The following SOX6 variants were observed in gnomAD, a reference collection of about 807,000 sequenced individuals.
The protein encoded by SOX6 is transcription factor SOX-6.
In SOX6, 11 loss-of-function variants were observed where a neutral mutation model predicts 97.8. The observed-to-expected ratio is 0.11, with a 90% CI of 0.07 to 0.19. The LOEUF is 0.19. Ranked by LOEUF, SOX6 falls within the 10% of genes least tolerant of loss-of-function variation. The pLI is 1.00. For missense variants in SOX6, 810 were observed against 1,039.5 expected (o/e 0.78, Z 3.04); for synonymous variants, 360 against 371.4 (o/e 0.97, Z 0.35).
chr11:16,357,041 G>A (rs1236646099), upstream of SOX6, among the ~76,000 whole-genome samples: 1 of 151,984 alleles, frequency 6.6e-6, no homozygotes, highest in Non-Finnish European at 1.5e-5. Context: ...AAAAGAGGAG[G>A]ACACTGGAGA....
chr11:16,335,438 T>C (rs1782325426), intron 2 of SOX6, among the ~76,000 whole-genome samples: 1 of 152,146 alleles, frequency 6.6e-6, no homozygotes, highest in South Asian at 2.1e-4. Flanking sequence ...CCTTAGGAGT[T>C]ATGACTATGA....
At chr11:16,652,750 AAAAT>A (rs1199902142) in intron 3 of SOX6, among the ~76,000 whole-genome samples, 2 of 141,424 alleles carry the variant, frequency 1.4e-5, no homozygotes, top group African/African-American at 5.4e-5. Flanking sequence ...AACAAAAACA[AAAAT>A]AAATAGATGG....
chr11:16,378,335 AG>A (rs888328390), intron 1 of SOX6, among the ~76,000 whole-genome samples: 17 of 152,134 alleles, frequency 1.1e-4, no homozygotes, highest in Non-Finnish European at 2.1e-4. Context: ...AAGTGGGGGT[AG>A]GGGGAAAGAC....
intron 15 of SOX6, among the ~76,000 whole-genome samples, chr11:15,978,915 CATT>C (rs1197087376): frequency 7.7e-6 from 1 of 129,654 alleles, no homozygotes; most frequent in Non-Finnish European, 1.6e-5. Context: ...TATATATAAG[CATT>C]ATATATTATA....
intron 2 of SOX6, among the ~76,000 whole-genome samples, chr11:16,320,920 C>A (rs1247933601): frequency 6.6e-6 from 1 of 152,072 alleles, no homozygotes; most frequent in African/African-American, 2.4e-5. Flanking sequence ...TGGGGCAGGG[C>A]AGGAAAGAGA....
At chr11:16,107,640 G>A (rs1238407489) in intron 7 of SOX6, among the ~76,000 whole-genome samples, 3 of 151,740 alleles carry the variant, frequency 2.0e-5, no homozygotes, top group East Asian at 3.9e-4. Flanking sequence ...AAGGGTAGAG[G>A]GATAGAGAGA....
At chr11:16,125,726 G>A (rs560319431) in intron 6 of SOX6, among the ~76,000 whole-genome samples, 3 of 152,006 alleles carry the variant, frequency 2.0e-5, no homozygotes, top group Admixed American at 2.0e-4. Context: ...TGGAAGGATG[G>A]TGGTTCACTC....
Position 16,049,783 on chromosome 11 carries a change from T to C in SOX6, c.1407A>G (p.Gly469=). 6.2e-7 allele frequency: 1 copy of C among 1,613,636 alleles called. No homozygotes were observed. The highest frequency in any genetic ancestry group is 8.5e-7 in the Non-Finnish European group (1 of 1,179,806). The stretch of plus-strand genomic sequence containing the variant: ...AAGAGGATCCTCTTCCCAGGCTTCC[T>C]CCAATGGGGCTAGGGATGCTGCTTT... ...PNKSSIPSPI[G]GSLGRGSSLD... Residue 469 remains glycine, a synonymous_variant, in exon 11 of 16, where the codon GGA becomes GGG. Transcript: ENST00000683767.
chr11:16,240,365 T>C (rs939662238), intron 3 of SOX6, among the ~76,000 whole-genome samples: 2 of 150,404 alleles, frequency 1.3e-5, no homozygotes, highest in South Asian at 2.1e-4. Flanking sequence ...ATGCAAGATT[T>C]TGGAATGCTC....
chr11:16,336,883 C>T (rs1443678322), intron 2 of SOX6, among the ~76,000 whole-genome samples: 1 of 152,132 alleles, frequency 6.6e-6, no homozygotes, highest in Non-Finnish European at 1.5e-5. Context: ...AATCTTTGCA[C>T]AGTGATTCTT....
chr11:16,208,828 A>G (rs1487981169), intron 4 of SOX6, among the ~76,000 whole-genome samples: 1 of 152,232 alleles, frequency 6.6e-6, no homozygotes, highest in Non-Finnish European at 1.5e-5. Flanking sequence ...TAAAAGATCC[A>G]TTCAAATTGT....
chr11:16,362,930 A>G (rs1857246986), intron 1 of SOX6, among the ~76,000 whole-genome samples: 1 of 152,218 alleles, frequency 6.6e-6, no homozygotes, highest in Non-Finnish European at 1.5e-5. Flanking sequence ...AGTCATAGAG[A>G]TCTTTATAAG....
chr11:16,656,814 T>A (rs1400048378), intron 3 of SOX6, among the ~76,000 whole-genome samples: 1 of 152,192 alleles, frequency 6.6e-6, no homozygotes, highest in African/African-American at 2.4e-5. Flanking sequence ...TAGATTTTTT[T>A]AAATAAATGT....
chr11:16,651,106 C>T (rs374605493), intron 3 of SOX6, among the ~76,000 whole-genome samples: 13 of 151,690 alleles, frequency 8.6e-5, no homozygotes, highest in Non-Finnish European at 1.5e-5. Flanking sequence ...CCAATAACAG[C>T]GAGATTAAAA....
chr11:16,121,131 CATT>C (rs1849480173), intron 6 of SOX6, among the ~76,000 whole-genome samples: 1 of 152,034 alleles, frequency 6.6e-6, no homozygotes, highest in Non-Finnish European at 1.5e-5. Flanking sequence ...ACAAATATCT[CATT>C]AATCTACTAG....
At chr11:16,660,651 G>A (rs935978754) in intron 3 of SOX6, among the ~76,000 whole-genome samples, 1 of 152,072 alleles carries the variant, frequency 6.6e-6, no homozygotes, top group Non-Finnish European at 1.5e-5. Context: ...TAACCCACAA[G>A]GTGATGGTAC....
chr11:16,382,358 T>C, intron 1 of SOX6: 1 of 152,162 alleles, frequency 6.6e-6, no homozygotes, highest in Non-Finnish European at 1.5e-5. Context: ...AAGCGTCTAT[T>C]GCTGTCATTA....
chr11:16,237,118 C>A (rs1165033974), intron 3 of SOX6, among the ~76,000 whole-genome samples: 1 of 151,952 alleles, frequency 6.6e-6, no homozygotes, highest in African/African-American at 2.4e-5. Flanking sequence ...AATGTTTAAT[C>A]TCAGGACTAG....
At chr11:16,224,893 T>G (rs926730979) in intron 4 of SOX6, among the ~76,000 whole-genome samples, 1 of 152,022 alleles carries the variant, frequency 6.6e-6, no homozygotes, top group Non-Finnish European at 1.5e-5. Flanking sequence ...TTCTGGATAT[T>G]GAGATCCTTA....
Sources: gnomAD v4.1 joint callset for allele counts (sites outside exome capture counted in the v4.1 genomes callset) on GRCh38, gnomAD v4.1.1 for gene constraint, MANE v1.5 for transcripts, NCBI Gene and HGNC (gene_info 2026-07-23, HGNC 2026-07-21) for gene names.